The following BPTF variants were observed in gnomAD, a reference collection of about 807,000 sequenced individuals.
BPTF encodes the protein bromodomain PHD finger transcription factor.
In BPTF, 18 loss-of-function variants were observed where a neutral mutation model predicts 292.5. That is an observed-to-expected ratio of 0.06 (90% CI 0.04 to 0.09). BPTF has a LOEUF of 0.09. BPTF is among the 10% of genes least tolerant of loss of function. The pLI, the probability that BPTF is intolerant of heterozygous loss-of-function variation, is 1.00. For synonymous variants in BPTF, 1,225 were observed against 1,251.9 expected (o/e 0.98, Z 0.45); for missense variants, 2,726 against 3,498.7 (o/e 0.78, Z 5.57).
rs541460121 is a variant in BPTF, at chr17:67,958,205, G to A, written c.7927-1336G>A. ...TAGCTGAGTTTGGTGGCACGTGCCT[G>A]TGGTCCTAGCTAGGTACTTGGGAGG... On this transcript the variant is annotated intron_variant, in intron 23 of 27. Coordinates refer to ENST00000306378, the MANE Select transcript of BPTF (RefSeq NM_182641.4). Among the ~76,000 whole-genome samples, 16 of 151,746 alleles carry A rather than the reference G, an allele frequency of 1.1e-4. No homozygotes were observed. The South Asian group carries it at 3.3e-3, about 32-fold the overall frequency.
chr17:67,945,543 C>T lies in BPTF; in HGVS notation c.6835C>T (p.Pro2279Ser), dbSNP rs914847284. ...ACAGACTGCTCAGCCTTCAGCTCAG[C>T]CCCAGCCCCAAACCCAGCCCCAGTC... ...QPQTAQPSAQ[P>S]QPQTQPQSPA... is the part of the protein sequence containing the mutation. The change falls in exon 21 of 28, where the codon CCC becomes TCC. Residue 2279 changes from proline to serine, a missense_variant. Pro to Ser is a moderately conservative substitution (Grantham distance 74). Coordinates refer to ENST00000306378, the MANE Select transcript of BPTF (RefSeq NM_182641.4). The T allele has an allele frequency of 1.4e-5, 23 of 1,612,464 alleles. No homozygotes were observed. Among genetic ancestry groups the T allele is most frequent in the Non-Finnish European group, 1.8e-5 (21 of 1,179,286 alleles).
At chr17:67,837,704 C>G (rs1325313028) in intron 1 of BPTF, among the ~76,000 whole-genome samples, 1 of 152,162 alleles carries the variant, frequency 6.6e-6, no homozygotes, top group African/African-American at 2.4e-5. Context: ...GCCACCGTGC[C>G]CAGCCTATGT....
intron 1 of BPTF, among the ~76,000 whole-genome samples, chr17:67,845,810 A>C (rs1021651716): frequency 4.7e-5 from 7 of 149,586 alleles, no homozygotes; most frequent in Non-Finnish European, 7.4e-5. Flanking sequence ...ATTTATAACT[A>C]TGTATTTATA....
rs1205200654 is a variant in BPTF, at chr17:67,947,819, C to T, written c.7700+11C>T. Reference sequence around the variant, plus strand: ...AGAAGAGAATCAAAGGTAGGGGAGACGCAGGGTCTTGTTGTCTGTCCGTCT... The same window carrying T: ...AGAAGAGAATCAAAGGTAGGGGAGATGCAGGGTCTTGTTGTCTGTCCGTCT... On this transcript the variant is annotated intron_variant, in intron 22 of 27. Transcript: ENST00000306378. 60 of 1,550,788 alleles carry T rather than the reference C, an allele frequency of 3.9e-5. No homozygotes were observed. Among genetic ancestry groups the T allele is most frequent in the Non-Finnish European group, 5.1e-5 (59 of 1,146,408 alleles).
Position 67,912,085 on chromosome 17 carries a change from A to G in BPTF, c.4201A>G (p.Arg1401Gly), listed in dbSNP as rs985911208. The G allele has an allele frequency of 4.3e-6, 7 of 1,609,566 alleles. No individual in the cohort carries two copies. Among genetic ancestry groups the G allele is most frequent in the Admixed American group, 1.7e-5 (1 of 58,990 alleles). The change falls in exon 11 of 28, where the codon AGA becomes GGA. Residue 1401 changes from arginine (R) to glycine (G), a missense_variant. Arg to Gly is a moderately radical substitution (Grantham distance 125). Transcript: ENST00000306378. ...TCGAGAGTCTGAAAAGAAAGGACAG[A>G]GAACAAGTACATTTCAAATAAATGG... is the stretch of plus-strand genomic sequence containing the variant. ...ENRESEKKGQ[R>G]TSTFQINGKD...
In BPTF at chr17:67,943,040, C is replaced by T. The variant is rs530299225; in HGVS notation, c.6478-1110C>T. Among the ~76,000 whole-genome samples, 5 of 152,074 alleles carry T rather than the reference C, an allele frequency of 3.3e-5. No individual in the cohort carries two copies. The East Asian group carries it at 9.6e-4, about 29-fold the overall frequency. On this transcript the variant is annotated intron_variant, in intron 19 of 27. Transcript: ENST00000306378. Reference sequence around the variant, plus strand: ...TGAACCTCAGTGGCCTTATATATACCTAAGATACATACCGAAGTAGTAATG... The same window carrying T: ...TGAACCTCAGTGGCCTTATATATACTTAAGATACATACCGAAGTAGTAATG...
chr17:67,928,466 A>G lies in BPTF; in HGVS notation c.5863A>G (p.Ser1955Gly). 4 of 1,614,164 alleles carry G rather than the reference A, an allele frequency of 2.5e-6. No individual in the cohort carries two copies. The highest frequency in any genetic ancestry group is 3.4e-6 in the Non-Finnish European group (4 of 1,180,032). ...ACAGAAGGTTATGGTGGCCCCCATA[A>G]GTGGCTCAGTTACAACTGGAACCAA... Reference protein sequence around the residue: ...PAQKVMVAPISGSVTTGTKMV... With the variant: ...PAQKVMVAPIGGSVTTGTKMV... The change falls in exon 16 of 28, where the codon AGT (serine) becomes GGT (glycine). Residue 1955 changes from serine (S) to glycine (G), a missense_variant. By Grantham distance (56) the Ser-to-Gly change is moderately conservative. This residue lies in a region of BPTF where 198 missense variants were observed against 277.1 expected (regional missense o/e 0.71). Coordinates refer to ENST00000306378, the MANE Select transcript of BPTF (RefSeq NM_182641.4).
At chr17:67,909,858 A>G (rs2062532870) in intron 10 of BPTF, 97 bp downstream of exon 10, 12 of 1,029,488 alleles carry the variant, frequency 1.2e-5, no homozygotes, top group Non-Finnish European at 1.6e-5. Flanking sequence ...TGTTTTCTTG[A>G]TAACAGCTTT....
chr17:67,957,786 G>A (rs1368963273), intron 23 of BPTF, among the ~76,000 whole-genome samples: 1 of 152,154 alleles, frequency 6.6e-6, no homozygotes, highest in Admixed American at 6.6e-5. Flanking sequence ...AGCCTGGCAG[G>A]TCAAGGCTAC....
In BPTF at chr17:67,983,382, C is replaced by T. The variant is rs1317303970; in HGVS notation, c.*1094C>T. 6.6e-6 allele frequency: 1 copy of T among 152,554 alleles called. No homozygotes were observed. Among genetic ancestry groups the T allele is most frequent in the African/African-American group, 2.4e-5 (1 of 41,432 alleles). The allele number at this position is 152,554 out of a possible 1,614,324, so 9.5% of individuals were successfully genotyped here. On this transcript the variant is annotated 3_prime_UTR_variant, in exon 28 of 28. Transcript: ENST00000306378. ...GATCATACTAACGAGAACGGTAATG[C>T]GACAAGATACACATTGCCTTCATCT...
intron 4 of BPTF, among the ~76,000 whole-genome samples, chr17:67,883,201 A>G (rs2060537737): frequency 1.3e-5 from 2 of 151,926 alleles, no homozygotes; most frequent in East Asian, 1.9e-4. Flanking sequence ...CTGTAGTCTC[A>G]GCTGCTCAGG....
At chr17:67,947,286 TCTATCCG>T (rs1315268946) in intron 21 of BPTF, among the ~76,000 whole-genome samples, 1 of 152,258 alleles carries the variant, frequency 6.6e-6, no homozygotes, top group African/African-American at 2.4e-5. Context: ...ACACTGTCTG[TCTATCCG>T]CTAATCTTTG....
chr17:67,899,645 C>G (rs983653308), intron 7 of BPTF, among the ~76,000 whole-genome samples: 4 of 151,716 alleles, frequency 2.6e-5, no homozygotes, highest in Non-Finnish European at 4.4e-5. Context: ...ATTCTCCTGC[C>G]TCAGCCTCCT....
intron 23 of BPTF, among the ~76,000 whole-genome samples, chr17:67,957,964 A>G (rs1163163986): frequency 5.9e-5 from 9 of 152,220 alleles, no homozygotes; most frequent in African/African-American, 1.9e-4. Flanking sequence ...TGCTTTGATC[A>G]TTTCCAAGAG....
chr17:67,915,254 T>A (rs1274318548), intron 11 of BPTF, among the ~76,000 whole-genome samples: 2 of 152,166 alleles, frequency 1.3e-5, no homozygotes, highest in Non-Finnish European at 2.9e-5. Context: ...TGTGCTTCAT[T>A]TTCACATTGA....
At position 67,866,575 on chromosome 17, in the gene BPTF, C is replaced by T; in HGVS notation, c.1548C>T (p.Leu516=). ...ACAAAGATTATTGGGAAGCAGAACTCTGCAAAATTCTAGAAGAAATGCGTG... is the reference window on the plus strand; with the variant it reads ...ACAAAGATTATTGGGAAGCAGAACTTTGCAAAATTCTAGAAGAAATGCGTG... ...CLDKDYWEAE[L]CKILEEMREE... is the part of the protein sequence containing the mutation. The change falls in exon 3 of 28, where the codon CTC becomes CTT. Residue 516 remains leucine, a synonymous_variant. Coordinates refer to ENST00000306378, the MANE Select transcript of BPTF (RefSeq NM_182641.4). The T allele has an allele frequency of 6.2e-7, 1 of 1,614,040 alleles. No individual in the cohort carries two copies. The highest frequency in any genetic ancestry group is 1.3e-5 in the African/African-American group (1 of 75,042).
At chr17:67,849,833 C>T (rs943463034) in intron 1 of BPTF, among the ~76,000 whole-genome samples, 5 of 151,880 alleles carry the variant, frequency 3.3e-5, no homozygotes, top group African/African-American at 1.2e-4. Context: ...CCCAGCTACT[C>T]GGGAGGCTGA....
chr17:67,948,250 G>A lies in BPTF; in HGVS notation c.7870G>A (p.Ala2624Thr). 6.2e-7 allele frequency: 1 copy of A among 1,614,104 alleles called. No individual in the cohort carries two copies. The highest frequency in any genetic ancestry group is 1.3e-5 in the African/African-American group (1 of 75,050). Residue 2624 changes from alanine (A) to threonine (T), a missense_variant, in exon 23 of 28, where the codon GCC becomes ACC. Transcript: ENST00000306378. The part of the protein sequence containing the change: ...LLFKHKEQLR[A>T]EILKKRALLD... ...CTTCAAGCACAAAGAGCAGCTCAGAGCCGAGATCCTGAAGAAGAGAGCACT... is the reference window on the plus strand; with the variant it reads ...CTTCAAGCACAAAGAGCAGCTCAGAACCGAGATCCTGAAGAAGAGAGCACT...
At chr17:67,977,379 A>G (rs1303291588) in intron 27 of BPTF, among the ~76,000 whole-genome samples, 1 of 151,994 alleles carries the variant, frequency 6.6e-6, no homozygotes, top group African/African-American at 2.4e-5. Flanking sequence ...GGCAGGCATA[A>G]TGGTGCACGC....
Sources: allele counts gnomAD v4.1 joint callset (sites outside exome capture counted in the v4.1 genomes callset), GRCh38; gene constraint gnomAD v4.1.1; regional missense constraint gnomAD v4.1.1; transcripts MANE v1.5; gene names NCBI Gene and HGNC (gene_info 2026-07-23, HGNC 2026-07-21).